Variants in WDPCP observed in about 807,000 individuals in gnomAD.
WDPCP encodes the protein WD repeat containing planar cell polarity effector.
A neutral mutation model predicts 93.1 loss-of-function variants in WDPCP; 71 were observed. That is an observed-to-expected ratio of 0.76 (90% CI 0.63 to 0.93). WDPCP has a LOEUF of 0.93. WDPCP is among the 40% of genes least tolerant of loss of function. The pLI, the probability that WDPCP is intolerant of heterozygous loss-of-function variation, is 0.00. For synonymous variants in WDPCP, 315 were observed against 315.0 expected, an observed-to-expected ratio of 1.00 and a Z score of 0.00; for missense variants, 844 against 887.4, an observed-to-expected ratio of 0.95 and a Z score of 0.62.
intron 1 of WDPCP, among the ~76,000 whole-genome samples, chr2:63,575,478 A>T (rs1393546208): frequency 1.9e-5 from 2 of 102,996 alleles, no homozygotes; most frequent in African/African-American, 5.5e-5. Flanking sequence ...CAGTATATAC[A>T]GTGTATATAT....
intron 14 of WDPCP, among the ~76,000 whole-genome samples, chr2:63,235,017 GAAACTGACACC>G (rs1275492603): frequency 5.9e-5 from 9 of 152,042 alleles, no homozygotes; most frequent in Non-Finnish European, 1.0e-4. Flanking sequence ...CAGAACTAAA[GAAACTGACACC>G]AAAAATAATA....
chr2:63,136,685 A>G (rs1484421015), intron 17 of WDPCP, among the ~76,000 whole-genome samples: 1 of 151,952 alleles, frequency 6.6e-6, no homozygotes, highest in Admixed American at 6.6e-5. Context: ...ATTTTTACTG[A>G]TCCTCTCCCT....
chr2:63,829,035 AAAGT>A (rs1671156303), upstream of WDPCP, among the ~76,000 whole-genome samples: 4 of 152,254 alleles, frequency 2.6e-5, no homozygotes, highest in South Asian at 8.3e-4. Context: ...TATTATGATA[AAAGT>A]AATACACGAG....
intron 10 of WDPCP, among the ~76,000 whole-genome samples, chr2:63,395,065 T>G (rs114828306): frequency 0.017 from 2,511 of 152,128 alleles, 74 homozygotes; most frequent in African/African-American, 0.058. Flanking sequence ...TGTATTGACA[T>G]AATGACCTAC....
At chr2:63,528,005 G>T (rs969140362) in intron 1 of WDPCP, among the ~76,000 whole-genome samples, 2 of 152,074 alleles carry the variant, frequency 1.3e-5, no homozygotes, top group Non-Finnish European at 2.9e-5. Flanking sequence ...TCTGTTGGCT[G>T]CATAAATGTC....
chr2:63,822,220 T>A (rs1313727644), intron 1 of WDPCP, among the ~76,000 whole-genome samples: 1 of 152,056 alleles, frequency 6.6e-6, no homozygotes, highest in Non-Finnish European at 1.5e-5. Context: ...TAATATTGAG[T>A]CAAACACTGG....
chr2:63,475,970 T>A (rs75457501), intron 6 of WDPCP, among the ~76,000 whole-genome samples: 1 of 152,258 alleles, frequency 6.6e-6, no homozygotes, highest in East Asian at 1.9e-4. Flanking sequence ...TGCGGTTCCA[T>A]ACTTCCAATA....
intron 2 of WDPCP, among the ~76,000 whole-genome samples, chr2:63,805,123 T>G (rs759817281): frequency 3.9e-5 from 6 of 152,162 alleles, no homozygotes; most frequent in Admixed American, 6.5e-5. Flanking sequence ...ATGTCAAATT[T>G]TTGAAGTTTT....
At chr2:63,539,332 A>AT (rs1310462441) in intron 1 of WDPCP, among the ~76,000 whole-genome samples, 1 of 152,162 alleles carries the variant, frequency 6.6e-6, no homozygotes, top group African/African-American at 2.4e-5. Context: ...GACAGAAATT[A>AT]TTTTGCATTG....
chr2:63,508,585 A>G (rs1202572817), intron 1 of WDPCP, among the ~76,000 whole-genome samples: 1 of 152,172 alleles, frequency 6.6e-6, no homozygotes, highest in Non-Finnish European at 1.5e-5. Flanking sequence ...ACACATAACA[A>G]TATTACCCTT....
intron 14 of WDPCP, among the ~76,000 whole-genome samples, chr2:63,217,447 T>A (rs988549038): frequency 1.3e-5 from 2 of 152,214 alleles, no homozygotes; most frequent in African/African-American, 4.8e-5. Flanking sequence ...CTGGGTGTAT[T>A]AGTATCATGA....
intron 3 of WDPCP, among the ~76,000 whole-genome samples, chr2:63,486,815 A>G (rs192111027): frequency 1.3e-5 from 2 of 152,080 alleles, no homozygotes; most frequent in Non-Finnish European, 2.9e-5. Context: ...GAAAGGGCAC[A>G]AAAGGTGGAC....
At chr2:63,526,156 C>T (rs1472984079) in intron 1 of WDPCP, among the ~76,000 whole-genome samples, 5 of 152,102 alleles carry the variant, frequency 3.3e-5, no homozygotes, top group African/African-American at 1.2e-4. Flanking sequence ...AAAAGCCATA[C>T]CAGCCCTTCT....
chr2:63,350,528 T>C (rs1689523235), intron 12 of WDPCP, among the ~76,000 whole-genome samples: 1 of 151,816 alleles, frequency 6.6e-6, no homozygotes, highest in Non-Finnish European at 1.5e-5. Context: ...CCCTCCTCTC[T>C]CTAACAGCCA....
chr2:63,144,070 C>A (rs949004031), intron 17 of WDPCP, among the ~76,000 whole-genome samples: 1 of 152,160 alleles, frequency 6.6e-6, no homozygotes, highest in African/African-American at 2.4e-5. Flanking sequence ...TCCTCAGGAA[C>A]ACTGATTATT....
intron 13 of WDPCP, among the ~76,000 whole-genome samples, chr2:63,295,409 G>T (rs185652472): frequency 4.6e-5 from 7 of 151,920 alleles, no homozygotes; most frequent in African/African-American, 1.7e-4. Flanking sequence ...TAGAGCCAAA[G>T]ACTCTAATAG....
chr2:63,740,123 C>T (rs1669692572), intron 2 of WDPCP, among the ~76,000 whole-genome samples: 1 of 152,022 alleles, frequency 6.6e-6, no homozygotes, highest in East Asian at 1.9e-4. Context: ...TTTGATGGGG[C>T]TAGAAAAAGT....
At chr2:63,171,471 T>G (rs1350446635) in intron 15 of WDPCP, among the ~76,000 whole-genome samples, 1 of 152,162 alleles carries the variant, frequency 6.6e-6, no homozygotes, top group Non-Finnish European at 1.5e-5. Context: ...AAATTAAAGC[T>G]ACAATTAGAT....
At chr2:63,789,140 A>G (rs1283786344) in intron 2 of WDPCP, among the ~76,000 whole-genome samples, 1 of 152,228 alleles carries the variant, frequency 6.6e-6, no homozygotes, top group Non-Finnish European at 1.5e-5. Context: ...TGCAGACAAA[A>G]ATATAGAAAA....
Sources: gnomAD v4.1 joint callset for allele counts (sites outside exome capture counted in the v4.1 genomes callset) on GRCh38, gnomAD v4.1.1 for gene constraint, MANE v1.5 for transcripts, NCBI Gene and HGNC (gene_info 2026-07-23, HGNC 2026-07-21) for gene names.